Variants in ADAM9 observed in about 807,000 individuals in gnomAD.
ADAM9 encodes disintegrin and metalloproteinase domain-containing protein 9.
A neutral mutation model predicts 108.1 loss-of-function variants in ADAM9; 54 were observed. That is an observed-to-expected ratio of 0.50 (90% CI 0.40 to 0.63). The LOEUF is 0.63. ADAM9 is among the 20% of genes least tolerant of loss of function. The pLI is 0.00. For synonymous variants in ADAM9, 316 were observed against 336.0 expected (o/e 0.94, Z 0.65); for missense variants, 830 against 997.7 (o/e 0.83, Z 2.26).
intron 12 of ADAM9, among the ~76,000 whole-genome samples, chr8:39,044,190 C>G (rs1837539485): frequency 6.6e-6 from 1 of 152,138 alleles, no homozygotes; most frequent in African/African-American, 2.4e-5. Flanking sequence ...AGCTTTTCCT[C>G]TATGTTTTCT....
At chr8:39,012,227 TGGG>T (rs1265529200) in intron 3 of ADAM9, among the ~76,000 whole-genome samples, 14 of 152,198 alleles carry the variant, frequency 9.2e-5, no homozygotes, top group African/African-American at 3.1e-4. Context: ...TCATATTTTC[TGGG>T]GAGCCCAGGC....
At position 39,103,937 on chromosome 8, in the gene ADAM9, T is replaced by A; in HGVS notation, c.*237T>A. On this transcript the variant is annotated 3_prime_UTR_variant, in exon 22 of 22. Transcript: ENST00000487273. Reference sequence around the variant, plus strand: ...ATTTCCGTTTCCATCATTGAATAAGTCTTATTCAGTCATCGGTGAGGTTAA... The same window carrying A: ...ATTTCCGTTTCCATCATTGAATAAGACTTATTCAGTCATCGGTGAGGTTAA... The A allele has an allele frequency of 1.5e-6, 1 of 663,294 alleles. No individual in the cohort carries two copies. Among genetic ancestry groups the A allele is most frequent in the South Asian group, 1.5e-5 (1 of 66,364 alleles). The allele number at this position is 663,294 out of a possible 1,614,324, so 41.1% of individuals were successfully genotyped here.
intron 14 of ADAM9, among the ~76,000 whole-genome samples, chr8:39,064,744 A>C (rs1358945264): frequency 6.6e-6 from 1 of 152,140 alleles, no homozygotes; most frequent in Non-Finnish European, 1.5e-5. Context: ...TCCTTAGATA[A>C]GGTGAATTAG....
rs188718100 is a variant in ADAM9 at position 39,006,226 on chromosome 8, C to T, written c.98-1660C>T. Among the ~76,000 whole-genome samples, 57 of 152,186 alleles carry T rather than the reference C, an allele frequency of 3.7e-4. 1 individual carries two copies. Among genetic ancestry groups the T allele is most frequent in the African/African-American group, 1.3e-3 (52 of 41,540 alleles). ...AAATAACCAGTTTCTCCAGTTGTGTCCTGTGCAAAAGAAAACAGATTCTTA... is the reference window on the plus strand; with the variant it reads ...AAATAACCAGTTTCTCCAGTTGTGTTCTGTGCAAAAGAAAACAGATTCTTA... On this transcript the variant is annotated intron_variant, in intron 1 of 21. Coordinates refer to ENST00000487273, the MANE Select transcript of ADAM9 (RefSeq NM_003816.3).
intron 12 of ADAM9, among the ~76,000 whole-genome samples, chr8:39,051,288 C>T (rs541651225): frequency 4.6e-5 from 7 of 152,104 alleles, no homozygotes; most frequent in Admixed American, 2.6e-4. Context: ...TTATATGACG[C>T]GTCATGAGTT....
At chr8:39,011,793 G>A (rs1055153828) in intron 3 of ADAM9, 77 bp downstream of exon 3, 6 of 1,339,934 alleles carry the variant, frequency 4.5e-6, no homozygotes, top group Non-Finnish European at 6.4e-6. Context: ...AGTTTGATAT[G>A]GTTTAGTGGA....
intron 1 of ADAM9, among the ~76,000 whole-genome samples, chr8:39,002,819 T>C (rs898529080): frequency 2.0e-5 from 3 of 152,198 alleles, no homozygotes; most frequent in African/African-American, 7.2e-5. Context: ...GTTCACGTTT[T>C]CTCTTCAGGC....
At chr8:39,014,551 T>C (rs988414372) in intron 4 of ADAM9, 4 of 702,626 alleles carry the variant, frequency 5.7e-6, no homozygotes, top group Non-Finnish European at 1.0e-5. Flanking sequence ...CTGGCCAGAA[T>C]ACCCAAAATA....
chr8:39,029,930 T>C (rs1317346633), intron 11 of ADAM9, among the ~76,000 whole-genome samples: 1 of 152,236 alleles, frequency 6.6e-6, no homozygotes, highest in East Asian at 1.9e-4. Context: ...TTCAATATTT[T>C]GAGAAGACTT....
chr8:39,054,303 T>TA (rs2129438613), intron 12 of ADAM9, among the ~76,000 whole-genome samples, 178 bp from the exon 13 acceptor site: 1 of 152,280 alleles, frequency 6.6e-6, no homozygotes, highest in South Asian at 2.1e-4. Context: ...TGTTGAGACT[T>TA]ATACTTGCAG....
intron 12 of ADAM9, among the ~76,000 whole-genome samples, chr8:39,045,558 ATGTG>A (rs772438762): frequency 2.6e-5 from 2 of 75,858 alleles, no homozygotes; most frequent in African/African-American, 1.1e-4. Flanking sequence ...GTGTGTGTAT[ATGTG>A]TGTGTGTGTA....
chr8:39,001,913 C>G (rs567388757), intron 1 of ADAM9, among the ~76,000 whole-genome samples: 11 of 152,016 alleles, frequency 7.2e-5, no homozygotes, highest in Non-Finnish European at 1.5e-5. Context: ...TGTGATCCAC[C>G]CGCCTCGGCC....
intron 12 of ADAM9, among the ~76,000 whole-genome samples, chr8:39,045,889 T>C (rs1837754948): frequency 6.6e-6 from 1 of 152,082 alleles, no homozygotes; most frequent in South Asian, 2.1e-4. Context: ...CTTTTTTTTT[T>C]TGACTTTTTA....
At chr8:39,067,517 G>A (rs986351820) in intron 14 of ADAM9, among the ~76,000 whole-genome samples, 4 of 152,148 alleles carry the variant, frequency 2.6e-5, no homozygotes, top group Admixed American at 2.0e-4. Flanking sequence ...TTTAGCAATT[G>A]TGAATGGGAG....
At chr8:38,998,848 G>A (rs1049939550) in intron 1 of ADAM9, among the ~76,000 whole-genome samples, 6 of 152,108 alleles carry the variant, frequency 3.9e-5, no homozygotes, top group African/African-American at 1.2e-4. Flanking sequence ...AAAAGGGAGG[G>A]ATGGAAGATC....
chr8:39,060,200 A>G (rs554696521), intron 14 of ADAM9, among the ~76,000 whole-genome samples: 16 of 152,340 alleles, frequency 1.1e-4, no homozygotes, highest in African/African-American at 3.4e-4. Context: ...GCAGAGGATC[A>G]CAAGGCTTTG....
At chr8:39,019,355 T>A (rs1334052619) in intron 7 of ADAM9, among the ~76,000 whole-genome samples, 1 of 152,232 alleles carries the variant, frequency 6.6e-6, no homozygotes, top group Non-Finnish European at 1.5e-5. Context: ...GGTCCTGGCA[T>A]GCTTTAGAAG....
chr8:38,999,312 G>C (rs1835925086), intron 1 of ADAM9, among the ~76,000 whole-genome samples: 1 of 141,464 alleles, frequency 7.1e-6, no homozygotes, highest in African/African-American at 2.6e-5. Context: ...TTTCCAAACA[G>C]CTAACTTTCA....
chr8:39,045,044 ATGTG>A lies in ADAM9; in HGVS notation c.1302+2929_1302+2932del, dbSNP rs1172505858. Among the ~76,000 whole-genome samples the A allele has an allele frequency of 1.3e-4, 7 of 55,438 alleles. 1 individual carries two copies. Among genetic ancestry groups the A allele is most frequent in the East Asian group, 1.7e-3 (1 of 596 alleles). The allele number at this position is 55,438 out of a possible 152,430, so 36.4% of individuals were successfully genotyped here. ...TGTGTGTGTGCATACATACATATGT[ATGTG>A]TATGTGTGTGTGCATACATACATAT... On this transcript the variant is annotated intron_variant, in intron 12 of 21. Coordinates refer to ENST00000487273, the MANE Select transcript of ADAM9 (RefSeq NM_003816.3).
Sources: allele counts gnomAD v4.1 joint callset (sites outside exome capture counted in the v4.1 genomes callset), GRCh38; gene constraint gnomAD v4.1.1; transcripts MANE v1.5; gene names NCBI Gene and HGNC (gene_info 2026-07-23, HGNC 2026-07-21).